CALCOCO2: variants seen among roughly 807,000 people sequenced by gnomAD.
CALCOCO2 encodes the protein calcium binding and coiled-coil domain 2.
In CALCOCO2, 42 loss-of-function variants were observed where a neutral mutation model predicts 62.5. The observed-to-expected ratio is 0.67, with a 90% CI of 0.53 to 0.87. The LOEUF (loss-of-function observed/expected upper bound fraction) is 0.87, where lower values mean the gene tolerates loss of function less well. Ranked by LOEUF, CALCOCO2 falls within the 40% of genes least tolerant of loss-of-function variation. The pLI is 0.00. For synonymous variants in CALCOCO2, 167 were observed against 173.0 expected (o/e 0.97, Z 0.27); for missense variants, 456 against 515.0 (o/e 0.89, Z 1.11).
chr17:48,841,918 G>A (rs2039978956), intron 2 of CALCOCO2, 31 bp downstream of exon 2: 2 of 1,490,748 alleles, frequency 1.3e-6, no homozygotes, highest in Non-Finnish European at 1.8e-6. Flanking sequence ...CAAGTGATCA[G>A]GAACTAGAGG....
At chr17:48,858,046 A>T (rs996834134) in intron 10 of CALCOCO2, among the ~76,000 whole-genome samples, 3 of 40,038 alleles carry the variant, frequency 7.5e-5, no homozygotes, top group Non-Finnish European at 9.7e-5. Context: ...ATAGAATAGA[A>T]AATAGAATAG....
At chr17:48,840,031 T>C (rs1289310330) in intron 1 of CALCOCO2, among the ~76,000 whole-genome samples, 1 of 152,070 alleles carries the variant, frequency 6.6e-6, no homozygotes, top group Non-Finnish European at 1.5e-5. Context: ...AGGCTGGACT[T>C]GAACTCCTGG....
chr17:48,863,425 G>A lies in CALCOCO2; in HGVS notation c.*420G>A. On this transcript the variant is annotated 3_prime_UTR_variant, in exon 13 of 13. Transcript: ENST00000258947. ...CCCTGGGGCCAGAGATTGGTCCGAG[G>A]TTGAGAATTCCTTCCTCCTCATCCT... 5.8e-6 allele frequency: 1 copy of A among 172,112 alleles called. No individual in the cohort carries two copies. The highest frequency in any genetic ancestry group is 5.5e-5 in the Admixed American group (1 of 18,134). 10.7% of individuals were successfully genotyped at this position (172,112 alleles called of 1,614,324 possible). A position where few individuals can be genotyped will look rare whatever the true frequency, so the allele number is the denominator to read the frequency against.
Position 48,856,090 on chromosome 17 carries a change from AG to A in CALCOCO2, c.913del. On this transcript the variant is annotated splice_acceptor_variant, in intron 9 of 12. Coordinates refer to ENST00000258947, the MANE Select transcript of CALCOCO2 (RefSeq NM_005831.5). LOFTEE classifies it high-confidence loss of function. ...AATCCTAATTTTTTTTATTGTTGAC[AG>A]GATGAAAACTTTGACCTGTCAAAAA... 6.6e-7 allele frequency: 1 copy of A among 1,524,644 alleles called. No homozygotes were observed. The highest frequency in any genetic ancestry group is 1.7e-4 in the Middle Eastern group (1 of 5,734). 94.4% of individuals were successfully genotyped at this position (1,524,644 alleles called of 1,614,324 possible).
chr17:48,839,361 T>C (rs1296812320), intron 1 of CALCOCO2: 2 of 149,596 alleles, frequency 1.3e-5, no homozygotes, highest in Admixed American at 6.7e-5. Flanking sequence ...CTCTTTTTTT[T>C]TTTTTTTTTG....
At position 48,857,497 on chromosome 17, in the gene CALCOCO2, C is replaced by CTTTTTTTTTTTTTTTTTT. The variant is rs59318856; in HGVS notation, c.1008+1316_1008+1333dup. Reference sequence around the variant, plus strand: ...CAGGCGTGAGCCACTGCACCCGGCCCTTTTTTTTTTTTTTTTTTTTTTTGA... The same window carrying CTTTTTTTTTTTTTTTTTT: ...CAGGCGTGAGCCACTGCACCCGGCCCTTTTTTTTTTTTTTTTTTTTTTTTTTTTTTTTTTTTTTTTTGA... On this transcript the variant is annotated intron_variant, in intron 10 of 12. Transcript: ENST00000258947. Among the ~76,000 whole-genome samples, 266 of 38,438 alleles carry CTTTTTTTTTTTTTTTTTT rather than the reference C, an allele frequency of 6.9e-3. 57 individuals are homozygous for CTTTTTTTTTTTTTTTTTT. Among genetic ancestry groups the CTTTTTTTTTTTTTTTTTT allele is most frequent in the Admixed American group, 9.8e-3 (18 of 1,836 alleles). 25.2% of individuals were successfully genotyped at this position (38,438 alleles called of 152,430 possible).
chr17:48,864,733 T>C lies in CALCOCO2; in HGVS notation c.*1728T>C, dbSNP rs1474012451. The C allele has an allele frequency of 6.6e-6, 1 of 152,388 alleles. No homozygotes were observed. Among genetic ancestry groups the C allele is most frequent in the East Asian group, 1.9e-4 (1 of 5,204 alleles). 9.4% of individuals were successfully genotyped at this position (152,388 alleles called of 1,614,324 possible). A position where few individuals can be genotyped will look rare whatever the true frequency, so the allele number is the denominator to read the frequency against. ...GTCACAGCTCCTTGCTTTGATTTCA[T>C]CCTTGATAAAATGAAGATGAAACTT... On this transcript the variant is annotated 3_prime_UTR_variant, in exon 13 of 13. Coordinates refer to ENST00000258947, the MANE Select transcript of CALCOCO2 (RefSeq NM_005831.5).
intron 10 of CALCOCO2, chr17:48,856,441 CTT>C: frequency 2.1e-6 from 1 of 475,772 alleles, no homozygotes. Context: ...GAAGACCTAA[CTT>C]ATTTTTGCTT....
intron 1 of CALCOCO2, among the ~76,000 whole-genome samples, chr17:48,838,817 C>G (rs1364787754): frequency 2.0e-5 from 3 of 152,082 alleles, no homozygotes; most frequent in Non-Finnish European, 4.4e-5. Flanking sequence ...ATAGTATTTG[C>G]ATGTGTATAG....
At chr17:48,838,388 T>A (rs1264577071) in intron 1 of CALCOCO2, among the ~76,000 whole-genome samples, 1 of 151,526 alleles carries the variant, frequency 6.6e-6, no homozygotes, top group Non-Finnish European at 1.5e-5. Flanking sequence ...TAGTTTTTAC[T>A]TTTTTTTTCT....
At chr17:48,847,987 T>TA (rs2040075290) in intron 2 of CALCOCO2, 77 bp from the exon 3 acceptor site, 1 of 787,956 alleles carries the variant, frequency 1.3e-6, no homozygotes, top group Non-Finnish European at 2.2e-6. Context: ...AAAAAGTGAT[T>TA]TTAAGAAGAT....
chr17:48,840,657 C>T (rs1165329936), intron 1 of CALCOCO2, among the ~76,000 whole-genome samples: 1 of 152,202 alleles, frequency 6.6e-6, no homozygotes, highest in African/African-American at 2.4e-5. Flanking sequence ...GAGGGCTAAT[C>T]TAAGATTCTT....
At chr17:48,838,783 A>G (rs1007102396) in intron 1 of CALCOCO2, among the ~76,000 whole-genome samples, 10 of 152,132 alleles carry the variant, frequency 6.6e-5, no homozygotes, top group African/African-American at 2.4e-5. Context: ...GCATATACCA[A>G]TAGCTGAATT....
intron 8 of CALCOCO2, 29 bp downstream of exon 8, chr17:48,852,657 T>C (rs1339633245): frequency 6.3e-7 from 1 of 1,599,100 alleles, no homozygotes; most frequent in African/African-American, 1.4e-5. Context: ...ACAACACTTT[T>C]AGGCATTTGC....
chr17:48,851,993 G>A (rs532179078), intron 7 of CALCOCO2, among the ~76,000 whole-genome samples: 15 of 152,116 alleles, frequency 9.9e-5, no homozygotes, highest in African/African-American at 2.7e-4. Flanking sequence ...TTAGCTGGGC[G>A]TGCTAATTTA....
At chr17:48,836,494 G>A (rs928785467) in intron 1 of CALCOCO2, among the ~76,000 whole-genome samples, 4 of 152,262 alleles carry the variant, frequency 2.6e-5, no homozygotes, top group Admixed American at 6.5e-5. Context: ...TGAATGATGT[G>A]CATATCTTGT....
intron 4 of CALCOCO2, chr17:48,848,761 C>T (rs2040086848): frequency 3.7e-6 from 2 of 535,060 alleles, no homozygotes; most frequent in Non-Finnish European, 7.2e-6. Context: ...GTAAAAGCTC[C>T]TTTGAGGAGA....
intron 1 of CALCOCO2, chr17:48,839,520 C>A (rs2039945478): frequency 6.7e-6 from 1 of 148,658 alleles, no homozygotes; most frequent in South Asian, 2.1e-4. Context: ...GGGTAATTTT[C>A]GTATTTTTAG....
intron 1 of CALCOCO2, among the ~76,000 whole-genome samples, chr17:48,836,409 AC>A (rs1435114740): frequency 6.6e-6 from 1 of 152,150 alleles, no homozygotes; most frequent in East Asian, 1.9e-4. Context: ...AAAAAATAAA[AC>A]ATACACACTC....
Sources: gnomAD v4.1 joint callset for allele counts (sites outside exome capture counted in the v4.1 genomes callset) on GRCh38, gnomAD v4.1.1 for gene constraint, MANE v1.5 for transcripts, NCBI Gene and HGNC (gene_info 2026-07-23, HGNC 2026-07-21) for gene names.